The following C8orf34 variants were observed in gnomAD, a reference collection of about 807,000 sequenced individuals.
C8orf34 encodes uncharacterized protein C8orf34.
C8orf34 carries 65 observed loss-of-function variants against 68.3 expected under a neutral mutation model. The ratio of observed to expected loss-of-function variants is 0.95; its 90% CI spans 0.78 to 1.17. C8orf34 has a LOEUF of 1.17. Among genes scored for constraint, C8orf34 ranks in the 50% most tolerant of loss-of-function variants. The pLI is 0.00. For missense variants in C8orf34, 664 were observed against 655.4 expected (o/e 1.01, Z -0.14); for synonymous variants, 244 against 241.2 (o/e 1.01, Z -0.11).
At chr8:68,686,256 G>C (rs540961124) in intron 8 of C8orf34, among the ~76,000 whole-genome samples, 1 of 152,020 alleles carries the variant, frequency 6.6e-6, no homozygotes, top group South Asian at 2.1e-4. Flanking sequence ...AGATGATTGA[G>C]AGAGAATCCT....
intron 10 of C8orf34, among the ~76,000 whole-genome samples, chr8:68,739,497 A>AC (rs2129527175): frequency 6.7e-6 from 1 of 148,388 alleles, no homozygotes; most frequent in African/African-American, 2.6e-5. Flanking sequence ...CAGTTGCCAC[A>AC]AAAAAAAATA....
intron 7 of C8orf34, among the ~76,000 whole-genome samples, chr8:68,614,254 A>C (rs74673336): frequency 6.6e-6 from 1 of 151,444 alleles, no homozygotes; most frequent in Non-Finnish European, 1.5e-5. Context: ...GTTCACTCTG[A>C]TGGTAGTTTC....
At chr8:68,615,081 C>A (rs577946567) in intron 7 of C8orf34, among the ~76,000 whole-genome samples, 23,439 of 127,374 alleles carry the variant, frequency 0.18, 157 homozygotes, top group African/African-American at 0.35. Context: ...CATGATTTGG[C>A]TCTCTGTTTG....
chr8:68,469,496 T>A (rs955349038), intron 4 of C8orf34, among the ~76,000 whole-genome samples: 1 of 152,090 alleles, frequency 6.6e-6, no homozygotes, highest in Non-Finnish European at 1.5e-5. Context: ...TTTAAATAAC[T>A]GCTATTGTTG....
intron 12 of C8orf34, among the ~76,000 whole-genome samples, chr8:68,794,506 T>TATATATATATATATATATATACA (rs58048066): frequency 1.1e-3 from 67 of 58,802 alleles, no homozygotes; most frequent in Non-Finnish European, 1.4e-3. Context: ...TATATATATA[T>TATATATATATATATATATATACA]TTTTTTTTTT....
chr8:68,333,120 G>T (rs986603710), intron 1 of C8orf34, among the ~76,000 whole-genome samples: 1 of 152,042 alleles, frequency 6.6e-6, no homozygotes, highest in Admixed American at 6.6e-5. Context: ...AAATCCCCAA[G>T]ATTTTAATAA....
intron 7 of C8orf34, among the ~76,000 whole-genome samples, chr8:68,621,421 C>T (rs1168883102): frequency 6.6e-6 from 1 of 152,200 alleles, no homozygotes; most frequent in Non-Finnish European, 1.5e-5. Flanking sequence ...ATCAATACAA[C>T]ATAGCTGTAA....
intron 4 of C8orf34, among the ~76,000 whole-genome samples, chr8:68,484,271 A>G (rs1049958626): frequency 1.3e-5 from 2 of 152,208 alleles, no homozygotes; most frequent in East Asian, 3.8e-4. Context: ...GTACTGGACC[A>G]TTCATGAGAA....
chr8:68,529,220 A>G (rs1236259551), intron 6 of C8orf34, among the ~76,000 whole-genome samples: 2 of 152,196 alleles, frequency 1.3e-5, no homozygotes, highest in African/African-American at 4.8e-5. Context: ...TCTTTTCCAA[A>G]TAGAATGTTA....
chr8:68,340,974 TC>T (rs1806046326), intron 1 of C8orf34, among the ~76,000 whole-genome samples: 1 of 152,234 alleles, frequency 6.6e-6, no homozygotes, highest in Non-Finnish European at 1.5e-5. Context: ...AAGTCAGGTT[TC>T]TTACAGAGGT....
At chr8:68,595,574 A>C (rs575254618) in intron 7 of C8orf34, among the ~76,000 whole-genome samples, 3 of 151,892 alleles carry the variant, frequency 2.0e-5, no homozygotes, top group Non-Finnish European at 2.9e-5. Context: ...TCTTTCTTTT[A>C]ATCCATTCTT....
chr8:68,586,159 T>C (rs1345461816), intron 7 of C8orf34, among the ~76,000 whole-genome samples: 1 of 152,152 alleles, frequency 6.6e-6, no homozygotes, highest in Non-Finnish European at 1.5e-5. Context: ...ATTACACACC[T>C]TTCTACATTA....
At chr8:68,411,179 G>A (rs1412964245) in intron 1 of C8orf34, among the ~76,000 whole-genome samples, 1 of 152,144 alleles carries the variant, frequency 6.6e-6, no homozygotes, top group African/African-American at 2.4e-5. Flanking sequence ...ATGTATATAT[G>A]TGTAAGATCA....
intron 8 of C8orf34, among the ~76,000 whole-genome samples, chr8:68,697,388 A>G (rs755254485): frequency 6.6e-6 from 1 of 151,988 alleles, no homozygotes; most frequent in Non-Finnish European, 1.5e-5. Context: ...GCTTCCTCCC[A>G]TTACTTTCAG....
intron 10 of C8orf34, among the ~76,000 whole-genome samples, chr8:68,739,487 C>T (rs934517882): frequency 1.3e-4 from 19 of 151,914 alleles, no homozygotes; most frequent in African/African-American, 4.6e-4. Context: ...ATCCCATTCA[C>T]AGTTGCCACA....
chr8:68,629,034 GA>G (rs1245249752), intron 7 of C8orf34, among the ~76,000 whole-genome samples: 3 of 150,146 alleles, frequency 2.0e-5, no homozygotes, highest in South Asian at 2.1e-4. Flanking sequence ...AGTACAAAAA[GA>G]AAAAAAAATG....
At chr8:68,533,464 A>T in intron 7 of C8orf34, 5 of 1,031,966 alleles carry the variant, frequency 4.8e-6, no homozygotes, top group Non-Finnish European at 5.8e-6. Context: ...TTATTCTCTG[A>T]TAATAATTGC....
At chr8:68,571,026 A>G (rs760678121) in intron 7 of C8orf34, among the ~76,000 whole-genome samples, 14 of 152,148 alleles carry the variant, frequency 9.2e-5, no homozygotes, top group Non-Finnish European at 1.6e-4. Flanking sequence ...TGATGGAAGG[A>G]GCTTTGACCA....
intron 7 of C8orf34, among the ~76,000 whole-genome samples, chr8:68,629,359 A>G (rs1214041867): frequency 2.6e-5 from 4 of 152,192 alleles, no homozygotes; most frequent in Admixed American, 2.6e-4. Context: ...GCCTGTTCAG[A>G]TGGCACATTC....
Sources: allele counts gnomAD v4.1 joint callset (sites outside exome capture counted in the v4.1 genomes callset), GRCh38; gene constraint gnomAD v4.1.1; transcripts MANE v1.5; gene names NCBI Gene and HGNC (gene_info 2026-07-23, HGNC 2026-07-21).